Variants in TNFSF4 observed in about 807,000 individuals in gnomAD.
The protein encoded by TNFSF4 is tumor necrosis factor ligand superfamily member 4.
Under a neutral mutation model 7.3 loss-of-function variants are expected in TNFSF4, and 4 were observed. The ratio of observed to expected loss-of-function variants is 0.55; its 90% confidence interval spans 0.27 to 1.25. The LOEUF is 1.25. Among genes scored for constraint, TNFSF4 ranks in the 50% most tolerant of loss-of-function variants. The pLI, the probability that TNFSF4 is intolerant of heterozygous loss-of-function variation, is 0.12. For missense variants in TNFSF4, 181 were observed against 208.8 expected (o/e 0.87, Z 0.82); for synonymous variants, 76 against 83.7 (o/e 0.91, Z 0.50).
At chr1:173,201,163 T>C (rs1277973433) in intron 1 of TNFSF4, among the ~76,000 whole-genome samples, 2 of 151,930 alleles carry the variant, frequency 1.3e-5, no homozygotes, top group African/African-American at 2.4e-5. Flanking sequence ...CCATGTGCTC[T>C]GAGTACGTAA....
Position 173,186,750 on chromosome 1 carries a change from C to T in TNFSF4, c.318G>A (p.Lys106=), listed in dbSNP as rs1649243743. The part of the protein sequence containing the change: ...NCDGFYLISL[K]GYFSQEVNIS... ...TGTTGACTTCCTGGGAGAAGTAGCCCTTCAGGGAGATGAGATAAAACCCAT... is the reference window on the plus strand; with the variant it reads ...TGTTGACTTCCTGGGAGAAGTAGCCTTTCAGGGAGATGAGATAAAACCCAT... Residue 106 remains lysine (K), a synonymous_variant, in exon 3 of 3, where the codon AAG becomes AAA. Coordinates refer to ENST00000281834, the MANE Select transcript of TNFSF4 (RefSeq NM_003326.5). 2 of 1,614,122 alleles carry T rather than the reference C, an allele frequency of 1.2e-6. No homozygotes were observed. The highest frequency in any genetic ancestry group is 1.6e-4 in the Middle Eastern group (1 of 6,062).
chr1:173,408,552 G>A, the TNFSF4 span, among the ~76,000 whole-genome samples: 1 of 151,574 alleles, frequency 6.6e-6, no homozygotes, highest in African/African-American at 2.4e-5. Flanking sequence ...AAATATCAAT[G>A]GATGCTAAAA....
the TNFSF4 span, among the ~76,000 whole-genome samples, chr1:173,285,104 G>T: frequency 3.3e-5 from 5 of 152,186 alleles, no homozygotes; most frequent in South Asian, 1.0e-3. Context: ...CTTGTTTGGA[G>T]GTTAAAATAT....
the TNFSF4 span, among the ~76,000 whole-genome samples, chr1:173,297,002 T>G: frequency 6.6e-6 from 1 of 151,912 alleles, no homozygotes; most frequent in African/African-American, 2.4e-5. Context: ...AGCCCACACA[T>G]TATAAAGTTT....
At chr1:173,257,175 C>T in the TNFSF4 span, among the ~76,000 whole-genome samples, 152 of 152,236 alleles carry the variant, frequency 1.0e-3, no homozygotes, top group Non-Finnish European at 1.5e-3. Flanking sequence ...TGCAGTCTAA[C>T]TGCTTTAAAC....
chr1:173,316,100 G>T, the TNFSF4 span, among the ~76,000 whole-genome samples: 1 of 152,004 alleles, frequency 6.6e-6, no homozygotes, highest in Non-Finnish European at 1.5e-5. Flanking sequence ...TCATTCTTTT[G>T]CATGTCAATA....
the TNFSF4 span, among the ~76,000 whole-genome samples, chr1:173,388,845 A>C: frequency 4.9e-3 from 750 of 152,294 alleles, 2 homozygotes; most frequent in Non-Finnish European, 8.2e-3. Flanking sequence ...AATTTTACTC[A>C]CATAAACAAA....
chr1:173,413,451 T>C, the TNFSF4 span, among the ~76,000 whole-genome samples: 1 of 152,130 alleles, frequency 6.6e-6, no homozygotes. Flanking sequence ...GGAGGCAGAG[T>C]TGCCTCCCAC....
the TNFSF4 span, among the ~76,000 whole-genome samples, chr1:173,252,539 C>T: frequency 1.3e-5 from 2 of 152,076 alleles, no homozygotes; most frequent in Admixed American, 1.3e-4. Flanking sequence ...ATACTCACTG[C>T]ACTTCTGCCC....
At chr1:173,293,874 CACTA>C in the TNFSF4 span, among the ~76,000 whole-genome samples, 8 of 152,102 alleles carry the variant, frequency 5.3e-5, no homozygotes, top group Non-Finnish European at 1.0e-4. Flanking sequence ...TGCTCAACAT[CACTA>C]ACTATCAGAG....
At chr1:173,376,634 A>T in the TNFSF4 span, among the ~76,000 whole-genome samples, 1 of 152,146 alleles carries the variant, frequency 6.6e-6, no homozygotes, top group Non-Finnish European at 1.5e-5. Flanking sequence ...TTGTAAATGC[A>T]CCAATCAGCA....
the TNFSF4 span, among the ~76,000 whole-genome samples, chr1:173,283,774 A>C: frequency 1.3e-5 from 2 of 152,116 alleles, no homozygotes; most frequent in Non-Finnish European, 2.9e-5. Flanking sequence ...GGTAAATCTA[A>C]ACATTTTATT....
At chr1:173,381,279 T>A in the TNFSF4 span, among the ~76,000 whole-genome samples, 1 of 152,126 alleles carries the variant, frequency 6.6e-6, no homozygotes, top group Non-Finnish European at 1.5e-5. Context: ...ACTCTGCACC[T>A]TCTTAGGGGA....
In TNFSF4 at chr1:173,185,204, A is replaced by G. The variant is rs1478251409; in HGVS notation, c.*1312T>C. On this transcript the variant is annotated 3_prime_UTR_variant, in exon 3 of 3. Transcript: ENST00000281834. ...AACATGTGCTACAATTTTAAAATAC[A>G]TATCTCAAAAATTTATGTTTATAAA... is the stretch of plus-strand genomic sequence containing the variant. The G allele has an allele frequency of 2.6e-5, 4 of 152,244 alleles. No individual in the cohort carries two copies. Among genetic ancestry groups the G allele is most frequent in the Non-Finnish European group, 4.4e-5 (3 of 68,044 alleles). The allele number at this position is 152,244 out of a possible 1,614,324, so 9.4% of individuals were successfully genotyped here.
At chr1:173,373,682 G>A in the TNFSF4 span, among the ~76,000 whole-genome samples, 1 of 152,158 alleles carries the variant, frequency 6.6e-6, no homozygotes, top group African/African-American at 2.4e-5. Flanking sequence ...AGGCCCCTCT[G>A]GGGGAACAAA....
the TNFSF4 span, among the ~76,000 whole-genome samples, chr1:173,323,482 C>G: frequency 2.8e-4 from 42 of 152,330 alleles, no homozygotes; most frequent in Admixed American, 2.4e-3. Context: ...GAACGCAGCT[C>G]CTCACCAGCA....
At chr1:173,438,107 T>C in the TNFSF4 span, among the ~76,000 whole-genome samples, 1 of 152,150 alleles carries the variant, frequency 6.6e-6, no homozygotes, top group Admixed American at 6.5e-5. Context: ...TACATTTTTA[T>C]CCTAGTACTT....
chr1:173,326,100 T>G, the TNFSF4 span, among the ~76,000 whole-genome samples: 2 of 152,138 alleles, frequency 1.3e-5, no homozygotes, highest in Non-Finnish European at 2.9e-5. Flanking sequence ...TGATGAACAT[T>G]GATGCAAAAA....
chr1:173,204,668 C>T (rs960380436), intron 1 of TNFSF4, among the ~76,000 whole-genome samples: 2 of 152,148 alleles, frequency 1.3e-5, no homozygotes, highest in South Asian at 4.1e-4. Context: ...CTCTATTTCA[C>T]CTCCAATACA....
Sources: allele counts gnomAD v4.1 joint callset (sites outside exome capture counted in the v4.1 genomes callset), GRCh38; gene constraint gnomAD v4.1.1; transcripts MANE v1.5; gene names NCBI Gene and HGNC (gene_info 2026-07-23, HGNC 2026-07-21).